The following SIPA1L2 variants were observed in gnomAD, a reference collection of about 807,000 sequenced individuals.
The protein encoded by SIPA1L2 is signal induced proliferation associated 1 like 2.
SIPA1L2 carries 56 observed loss-of-function variants against 163.9 expected under a neutral mutation model. That is an observed-to-expected ratio of 0.34 (90% CI 0.28 to 0.43). SIPA1L2 has a LOEUF of 0.43. Ranked by LOEUF, SIPA1L2 falls within the 20% of genes least tolerant of loss-of-function variation. SIPA1L2 has a pLI of 1.00. For missense variants in SIPA1L2, 1,974 were observed against 2,193.5 expected, an observed-to-expected ratio of 0.90 and a Z score of 2.00; for synonymous variants, 877 against 865.7, an observed-to-expected ratio of 1.01 and a Z score of -0.23.
intron 1 of SIPA1L2, among the ~76,000 whole-genome samples, chr1:232,618,352 C>T (rs966158490): frequency 3.3e-5 from 5 of 152,028 alleles, no homozygotes; most frequent in African/African-American, 1.2e-4. Flanking sequence ...TTCCTAATGT[C>T]GCCTCAGTTT....
At chr1:232,531,303 A>G (rs1656917427) in intron 2 of SIPA1L2, among the ~76,000 whole-genome samples, 1 of 152,122 alleles carries the variant, frequency 6.6e-6, no homozygotes, top group Non-Finnish European at 1.5e-5. Context: ...GAGCCACCCC[A>G]ACCTCCCTAG....
At chr1:232,590,637 C>T (rs1014701774) in intron 1 of SIPA1L2, among the ~76,000 whole-genome samples, 2 of 152,176 alleles carry the variant, frequency 1.3e-5, no homozygotes, top group Non-Finnish European at 2.9e-5. Flanking sequence ...TGGCATTGGG[C>T]CTCGCCCATG....
intron 9 of SIPA1L2, among the ~76,000 whole-genome samples, chr1:232,462,802 G>A (rs1242519552): frequency 2.6e-5 from 4 of 152,210 alleles, no homozygotes; most frequent in African/African-American, 9.6e-5. Context: ...AGGCTGAAGA[G>A]TTATTGGCTG....
intron 1 of SIPA1L2, among the ~76,000 whole-genome samples, chr1:232,580,518 G>A (rs1660319202): frequency 6.6e-6 from 1 of 152,140 alleles, no homozygotes; most frequent in Admixed American, 6.5e-5. Context: ...TGCCTGACAG[G>A]AGCATGGCCA....
chr1:232,480,899 G>A (rs781561208), intron 6 of SIPA1L2, among the ~76,000 whole-genome samples: 8 of 152,014 alleles, frequency 5.3e-5, no homozygotes, highest in African/African-American at 1.9e-4. Context: ...TCTGAACCCT[G>A]TAGTATGTCT....
chr1:232,552,205 C>A (rs555538982), intron 2 of SIPA1L2, among the ~76,000 whole-genome samples: 15 of 152,214 alleles, frequency 9.9e-5, no homozygotes, highest in Non-Finnish European at 1.8e-4. Context: ...TCCAGTGCCT[C>A]ACAAAGAGCA....
chr1:232,553,241 CT>C (rs764251440), intron 2 of SIPA1L2, among the ~76,000 whole-genome samples: 9 of 152,192 alleles, frequency 5.9e-5, no homozygotes, highest in Non-Finnish European at 1.3e-4. Context: ...CCAACTGTCC[CT>C]AGTCGAACTT....
At chr1:232,610,067 ATTCT>A (rs1365101249) in intron 1 of SIPA1L2, among the ~76,000 whole-genome samples, 1 of 152,142 alleles carries the variant, frequency 6.6e-6, no homozygotes, top group Non-Finnish European at 1.5e-5. Flanking sequence ...AACAAATGTA[ATTCT>A]TTAACAATGT....
intron 10 of SIPA1L2, 93 bp from the exon 11 acceptor site, chr1:232,445,879 A>G: frequency 3.0e-6 from 4 of 1,354,888 alleles, no homozygotes; most frequent in African/African-American, 2.9e-5. Flanking sequence ...CACACATCAC[A>G]TGGTGTGTGC....
chr1:232,505,476 T>C (rs1024861146), intron 3 of SIPA1L2, among the ~76,000 whole-genome samples: 3 of 152,200 alleles, frequency 2.0e-5, no homozygotes, highest in Non-Finnish European at 2.9e-5. Flanking sequence ...AGGGAAATAA[T>C]AGGGCATTCG....
At chr1:232,432,828 G>A (rs932532350) in intron 15 of SIPA1L2, among the ~76,000 whole-genome samples, 2 of 152,122 alleles carry the variant, frequency 1.3e-5, no homozygotes, top group African/African-American at 4.8e-5. Context: ...TTGTCTCCAG[G>A]GAAATGCCAA....
At chr1:232,618,062 C>T (rs962319887) in intron 1 of SIPA1L2, among the ~76,000 whole-genome samples, 1 of 152,122 alleles carries the variant, frequency 6.6e-6, no homozygotes, top group African/African-American at 2.4e-5. Flanking sequence ...TCCACTACAC[C>T]ACACAATATT....
At chr1:232,460,833 C>T in intron 10 of SIPA1L2, 54 bp downstream of exon 10, 1 of 1,576,644 alleles carries the variant, frequency 6.3e-7, no homozygotes, top group Non-Finnish European at 8.6e-7. Context: ...AGGACAGCCA[C>T]CTGCTACAGA....
chr1:232,519,934 C>T (rs1008017550), intron 2 of SIPA1L2, among the ~76,000 whole-genome samples: 13 of 152,192 alleles, frequency 8.5e-5, no homozygotes, highest in African/African-American at 2.7e-4. Flanking sequence ...AAATCTGAGA[C>T]TCATTTAATA....
chr1:232,423,753 T>C (rs1661714475), intron 18 of SIPA1L2, among the ~76,000 whole-genome samples: 1 of 152,152 alleles, frequency 6.6e-6, no homozygotes, highest in Non-Finnish European at 1.5e-5. Context: ...CTCCAGTATA[T>C]GACTAAACAA....
chr1:232,530,006 A>C (rs1667896126), intron 2 of SIPA1L2, among the ~76,000 whole-genome samples: 1 of 152,222 alleles, frequency 6.6e-6, no homozygotes, highest in Admixed American at 6.5e-5. Context: ...TGGTGATTAA[A>C]GCATAACTTC....
chr1:232,459,089 G>A (rs771008657), intron 10 of SIPA1L2, among the ~76,000 whole-genome samples: 1 of 152,214 alleles, frequency 6.6e-6, no homozygotes, highest in Non-Finnish European at 1.5e-5. Flanking sequence ...ATAACTAATA[G>A]AGAAAGATTT....
intron 10 of SIPA1L2, among the ~76,000 whole-genome samples, chr1:232,451,313 T>C (rs926674730): frequency 6.6e-6 from 1 of 152,154 alleles, no homozygotes; most frequent in Admixed American, 6.5e-5. Flanking sequence ...GCAGTGCCCA[T>C]CAGAAATGGA....
chr1:232,468,559 A>G (rs1334658369), intron 8 of SIPA1L2, among the ~76,000 whole-genome samples: 1 of 152,220 alleles, frequency 6.6e-6, no homozygotes, highest in African/African-American at 2.4e-5. Context: ...GGATGATAGA[A>G]AATAATGCAT....
Sources: gnomAD v4.1 joint callset for allele counts (sites outside exome capture counted in the v4.1 genomes callset) on GRCh38, gnomAD v4.1.1 for gene constraint, MANE v1.5 for transcripts, NCBI Gene and HGNC (gene_info 2026-07-23, HGNC 2026-07-21) for gene names.